Variants in TMEFF1 observed in about 807,000 individuals in gnomAD.
TMEFF1 encodes tomoregulin-1.
In TMEFF1, 20 loss-of-function variants were observed where a neutral mutation model predicts 47.5. That is an observed-to-expected ratio of 0.42 (90% confidence interval 0.30 to 0.61). The LOEUF (loss-of-function observed/expected upper bound fraction) is 0.61, where lower values mean the gene tolerates loss of function less well. Among genes scored for constraint, TMEFF1 ranks in the 20% least tolerant of loss-of-function variants. The probability of loss-of-function intolerance (pLI) is 0.19; values close to 1 mark genes in which losing one functional copy is unlikely to be tolerated. For missense variants in TMEFF1, 411 were observed against 471.1 expected (o/e 0.87, Z 1.18); for synonymous variants, 162 against 166.3 (o/e 0.97, Z 0.20).
intron 3 of TMEFF1, among the ~76,000 whole-genome samples, chr9:100,512,057 G>T (rs771906088): frequency 1.3e-5 from 2 of 152,016 alleles, no homozygotes; most frequent in African/African-American, 4.8e-5. Context: ...TTTATTCCTC[G>T]CATTTACCAT....
In TMEFF1 at chr9:100,509,105, C is replaced by T. The variant is rs567148026; in HGVS notation, c.407C>T (p.Thr136Ile). The T allele has an allele frequency of 1.3e-6, 2 of 1,587,380 alleles. No individual in the cohort carries two copies. Among genetic ancestry groups the T allele is most frequent in the African/African-American group, 1.4e-5 (1 of 73,448 alleles). ...GCTTGTAAGCACCAGAAAGAGATAA[C>T]AGTAATAGCAAGAGGACCATGCTAC... ...RAACKHQKEI[T>I]VIARGPCYSD... is the part of the protein sequence containing the mutation. The change falls in exon 3 of 10, where the codon ACA becomes ATA. Residue 136 changes from threonine (T) to isoleucine (I), a missense_variant. Coordinates refer to ENST00000374879, the MANE Select transcript of TMEFF1 (RefSeq NM_003692.5).
chr9:100,547,692 T>C, intron 5 of TMEFF1, 52 bp from the exon 6 acceptor site: 1 of 1,401,764 alleles, frequency 7.1e-7, no homozygotes, highest in Non-Finnish European at 9.3e-7. Flanking sequence ...TGTTGCAGCA[T>C]TGTGAAATAT....
intron 5 of TMEFF1, among the ~76,000 whole-genome samples, chr9:100,525,050 A>T (rs1838231320): frequency 6.6e-6 from 1 of 152,118 alleles, no homozygotes; most frequent in Non-Finnish European, 1.5e-5. Flanking sequence ...CTTAGTAATG[A>T]TGGCCATCCA....
intron 8 of TMEFF1, among the ~76,000 whole-genome samples, chr9:100,565,183 A>G (rs1839099828): frequency 6.6e-6 from 1 of 152,110 alleles, no homozygotes; most frequent in Admixed American, 6.5e-5. Context: ...TTTGAGAATC[A>G]TTCCCTCTCT....
chr9:100,502,983 C>T (rs962426777), intron 2 of TMEFF1, among the ~76,000 whole-genome samples: 7 of 152,168 alleles, frequency 4.6e-5, no homozygotes, highest in African/African-American at 1.4e-4. Context: ...ATCTTGCTGC[C>T]GAGTGAACCT....
At chr9:100,492,747 A>G (rs902342620) in intron 1 of TMEFF1, among the ~76,000 whole-genome samples, 7 of 152,194 alleles carry the variant, frequency 4.6e-5, no homozygotes, top group Admixed American at 3.9e-4. Flanking sequence ...AAGGGTCAAG[A>G]AAAGGATTGG....
At chr9:100,555,194 C>CAT (rs1491167112) in intron 7 of TMEFF1, among the ~76,000 whole-genome samples, 5 of 151,496 alleles carry the variant, frequency 3.3e-5, no homozygotes, top group African/African-American at 7.3e-5. Context: ...CACACACACA[C>CAT]GCACACACAT....
chr9:100,534,475 G>A (rs983050455), intron 5 of TMEFF1, among the ~76,000 whole-genome samples: 1 of 152,188 alleles, frequency 6.6e-6, no homozygotes, highest in Non-Finnish European at 1.5e-5. Context: ...TCATTTGAGT[G>A]CACGCTTCTG....
At chr9:100,535,908 G>A (rs1838495017) in intron 5 of TMEFF1, among the ~76,000 whole-genome samples, 3 of 152,006 alleles carry the variant, frequency 2.0e-5, no homozygotes, top group Admixed American at 2.0e-4. Context: ...TTATTTCACT[G>A]CAGCTTACCT....
chr9:100,475,764 G>A (rs935619206), intron 1 of TMEFF1, among the ~76,000 whole-genome samples: 1 of 145,232 alleles, frequency 6.9e-6, no homozygotes, highest in Non-Finnish European at 1.5e-5. Context: ...TGTTCTTTGG[G>A]TTCTAAGATG....
intron 5 of TMEFF1, among the ~76,000 whole-genome samples, chr9:100,541,919 A>G (rs926966325): frequency 6.6e-6 from 1 of 151,994 alleles, no homozygotes; most frequent in African/African-American, 2.4e-5. Context: ...TATTATTTTG[A>G]ACTTTTGGTG....
At chr9:100,483,924 A>T (rs1196446270) in intron 1 of TMEFF1, among the ~76,000 whole-genome samples, 2 of 152,152 alleles carry the variant, frequency 1.3e-5, no homozygotes, top group African/African-American at 4.8e-5. Flanking sequence ...ACTTCCACTT[A>T]TAATGATAGG....
chr9:100,563,061 C>T (rs1357746132), intron 8 of TMEFF1, among the ~76,000 whole-genome samples: 1 of 152,152 alleles, frequency 6.6e-6, no homozygotes, highest in Non-Finnish European at 1.5e-5. Context: ...CATGATCCGC[C>T]CGCCTTGGCC....
intron 8 of TMEFF1, among the ~76,000 whole-genome samples, chr9:100,564,819 G>T (rs1432511309): frequency 2.6e-5 from 4 of 152,228 alleles, no homozygotes; most frequent in African/African-American, 4.8e-5. Context: ...CCTGAATTAA[G>T]TATAAAGGAG....
intron 1 of TMEFF1, 67 bp from the exon 2 acceptor site, chr9:100,498,698 C>G (rs149378582): frequency 1.7e-5 from 25 of 1,461,470 alleles, no homozygotes; most frequent in Non-Finnish European, 2.3e-5. Flanking sequence ...CACACACACA[C>G]GCGCACAGAC....
At chr9:100,532,451 A>G (rs549056692) in intron 5 of TMEFF1, among the ~76,000 whole-genome samples, 317 of 152,342 alleles carry the variant, frequency 2.1e-3, no homozygotes, top group Non-Finnish European at 3.6e-3. Context: ...ATTTCTCAAA[A>G]GAAGACATTT....
chr9:100,529,387 A>G (rs1372191980), intron 5 of TMEFF1, among the ~76,000 whole-genome samples: 1 of 149,720 alleles, frequency 6.7e-6, no homozygotes, highest in Non-Finnish European at 1.5e-5. Context: ...AAATAAAAGG[A>G]TGGAGGAAGA....
intron 2 of TMEFF1, among the ~76,000 whole-genome samples, chr9:100,503,398 G>C (rs985764278): frequency 6.6e-6 from 1 of 151,588 alleles, no homozygotes; most frequent in African/African-American, 2.4e-5. Context: ...TTTTTTTCCT[G>C]TTTTCTTTCT....
chr9:100,481,765 T>C (rs916713026), intron 1 of TMEFF1, among the ~76,000 whole-genome samples: 1 of 151,962 alleles, frequency 6.6e-6, no homozygotes, highest in Non-Finnish European at 1.5e-5. Context: ...TGTTTATTTA[T>C]TTATTTATTT....
Sources: allele counts gnomAD v4.1 joint callset (sites outside exome capture counted in the v4.1 genomes callset), GRCh38; gene constraint gnomAD v4.1.1; transcripts MANE v1.5; gene names NCBI Gene and HGNC (gene_info 2026-07-23, HGNC 2026-07-21).